AKT3: variants seen among roughly 807,000 people sequenced by gnomAD.
AKT3 encodes RAC-gamma serine/threonine-protein kinase.
AKT3 carries 15 observed loss-of-function variants against 65.3 expected under a neutral mutation model. The observed-to-expected ratio is 0.23, with a 90% CI of 0.15 to 0.35. The LOEUF (loss-of-function observed/expected upper bound fraction) is 0.35, where lower values mean the gene tolerates loss of function less well. Among genes scored for constraint, AKT3 ranks in the 10% least tolerant of loss-of-function variants. The probability of loss-of-function intolerance (pLI) is 1.00; values close to 1 mark genes in which losing one functional copy is unlikely to be tolerated. For synonymous variants in AKT3, 206 were observed against 183.8 expected (o/e 1.12, Z -0.98); for missense variants, 243 against 576.5 (o/e 0.42, Z 5.92).
At chr1:243,715,036 T>C (rs1290055991) in intron 2 of AKT3, among the ~76,000 whole-genome samples, 1 of 152,098 alleles carries the variant, frequency 6.6e-6, no homozygotes, top group East Asian at 1.9e-4. Context: ...CAGCATCCAT[T>C]TGACCACAAG....
chr1:243,742,059 T>TAAAAAAAAAAAAAAAAAAAAATAA (rs36056068), intron 2 of AKT3, among the ~76,000 whole-genome samples: 1 of 125,556 alleles, frequency 8.0e-6, no homozygotes, highest in Non-Finnish European at 1.6e-5. Flanking sequence ...GATAGAAAAT[T>TAAAAAAAAAAAAAAAAAAAAATAA]AAAAAAAAAA....
intron 2 of AKT3, among the ~76,000 whole-genome samples, chr1:243,825,994 T>G (rs1322232470): frequency 2.0e-5 from 3 of 152,012 alleles, no homozygotes; most frequent in African/African-American, 7.2e-5. Context: ...TAGCCAGGTG[T>G]TGTAGCAGGT....
chr1:243,584,992 CAG>C (rs1335789596), intron 8 of AKT3, among the ~76,000 whole-genome samples: 1 of 152,012 alleles, frequency 6.6e-6, no homozygotes, highest in African/African-American at 2.4e-5. Flanking sequence ...ATTCGATACT[CAG>C]GAAACCCTAA....
At chr1:243,675,714 A>G (rs1287447675) in intron 3 of AKT3, among the ~76,000 whole-genome samples, 3 of 151,890 alleles carry the variant, frequency 2.0e-5, no homozygotes, top group African/African-American at 7.3e-5. Context: ...TCTCATTTTC[A>G]TTTCTTTGCA....
At chr1:243,825,292 C>T in intron 2 of AKT3, among the ~76,000 whole-genome samples, 1 of 152,092 alleles carries the variant, frequency 6.6e-6, no homozygotes, top group Admixed American at 6.6e-5. Context: ...ATAGCTAATG[C>T]ATGTTGGGCT....
At chr1:243,689,823 T>C (rs148024717) in intron 3 of AKT3, among the ~76,000 whole-genome samples, 2 of 152,194 alleles carry the variant, frequency 1.3e-5, no homozygotes, top group East Asian at 1.9e-4. Flanking sequence ...CATGCAGCTG[T>C]AGTCCCCAAT....
At chr1:243,587,464 T>C (rs1394565253) in intron 8 of AKT3, among the ~76,000 whole-genome samples, 1 of 151,780 alleles carries the variant, frequency 6.6e-6, no homozygotes, top group Non-Finnish European at 1.5e-5. Flanking sequence ...CACACAAAAA[T>C]AGCTGGGCAT....
intron 9 of AKT3, among the ~76,000 whole-genome samples, chr1:243,568,078 C>T (rs1674299263): frequency 6.6e-6 from 1 of 152,160 alleles, no homozygotes; most frequent in South Asian, 2.1e-4. Context: ...AATCTTTCTA[C>T]TGCGTAAAGG....
At position 243,503,259 on chromosome 1, in the gene AKT3, C is replaced by G; in HGVS notation, c.*1990G>C. ...GTCTTAGCTGCCTTAGTAAAATGCC[C>G]TTTAACCCCCGTCAGTCCCAGTGGC... On this transcript the variant is annotated 3_prime_UTR_variant, in exon 14 of 14. Transcript: ENST00000673466. 1 of 233,674 alleles carries G rather than the reference C, an allele frequency of 4.3e-6. No individual in the cohort carries two copies. Among genetic ancestry groups the G allele is most frequent in the Non-Finnish European group, 8.5e-6 (1 of 118,036 alleles). 14.5% of individuals were successfully genotyped at this position (233,674 alleles called of 1,614,324 possible).
intron 11 of AKT3, among the ~76,000 whole-genome samples, chr1:243,546,340 T>C (rs551962709): frequency 6.6e-6 from 1 of 152,240 alleles, no homozygotes; most frequent in South Asian, 2.1e-4. Flanking sequence ...GGTAAAGAAA[T>C]TTCAGTGTTT....
chr1:243,527,899 A>AAGCAAGACTCCATCT (rs879360689), intron 12 of AKT3, among the ~76,000 whole-genome samples: 1 of 108,602 alleles, frequency 9.2e-6, no homozygotes, highest in African/African-American at 4.0e-5. Flanking sequence ...ACACACACAC[A>AAGCAAGACTCCATCT]CACACACACA....
chr1:243,560,752 A>G (rs1022800498), intron 10 of AKT3, among the ~76,000 whole-genome samples: 6 of 152,148 alleles, frequency 3.9e-5, no homozygotes, highest in African/African-American at 1.2e-4. Context: ...CTTGCATTAG[A>G]TTCTTAATTT....
chr1:243,526,199 G>A (rs1341079814), intron 12 of AKT3, among the ~76,000 whole-genome samples: 2 of 152,126 alleles, frequency 1.3e-5, no homozygotes, highest in Non-Finnish European at 2.9e-5. Context: ...AGCAAAGCCA[G>A]GAGAGGAAAG....
chr1:243,546,902 TG>T (rs1672712546), intron 11 of AKT3: 2 of 152,340 alleles, frequency 1.3e-5, no homozygotes, highest in Admixed American at 1.3e-4. Context: ...TTGACATTTT[TG>T]TTTATGTTAA....
chr1:243,600,676 C>A (rs1169778906), intron 8 of AKT3, among the ~76,000 whole-genome samples: 1 of 152,012 alleles, frequency 6.6e-6, no homozygotes, highest in Non-Finnish European at 1.5e-5. Flanking sequence ...GCTCATAGAC[C>A]TAAATGCAAG....
intron 13 of AKT3, among the ~76,000 whole-genome samples, chr1:243,490,921 G>T (rs566254318): frequency 2.0e-5 from 3 of 152,362 alleles, no homozygotes; most frequent in African/African-American, 7.2e-5. Context: ...GCCAGCCAAA[G>T]ATCAGGACCA....
At chr1:243,594,567 T>A (rs1676466595) in intron 8 of AKT3, among the ~76,000 whole-genome samples, 2 of 152,134 alleles carry the variant, frequency 1.3e-5, no homozygotes, top group Admixed American at 6.5e-5. Context: ...AACAGACCCA[T>A]ATGTGTGACA....
chr1:243,843,419 TTATTTATTA>T, intron 1 of AKT3, 137 bp from the exon 2 acceptor site: 1 of 1,108,644 alleles, frequency 9.0e-7, no homozygotes, highest in South Asian at 4.3e-5. Flanking sequence ...ACTGGGGAAC[TTATTTATTA>T]AATAGTTCTA....
intron 9 of AKT3, among the ~76,000 whole-genome samples, chr1:243,567,486 CCTTT>C (rs1329188895): frequency 7.0e-6 from 1 of 143,094 alleles, no homozygotes; most frequent in African/African-American, 2.6e-5. Flanking sequence ...TTTGTTTCTT[CCTTT>C]TTTTTTTTTT....
Sources: gnomAD v4.1 joint callset for allele counts (sites outside exome capture counted in the v4.1 genomes callset) on GRCh38, gnomAD v4.1.1 for gene constraint, MANE v1.5 for transcripts, NCBI Gene and HGNC (gene_info 2026-07-23, HGNC 2026-07-21) for gene names.